ZFYVE28: variants seen among roughly 807,000 people sequenced by gnomAD.
ZFYVE28 encodes the protein lateral signaling target protein 2 homolog.
A neutral mutation model predicts 82.1 loss-of-function variants in ZFYVE28; 40 were observed. That is an observed-to-expected ratio of 0.49 (90% confidence interval 0.38 to 0.63). ZFYVE28 has a LOEUF of 0.63. Among genes scored for constraint, ZFYVE28 ranks in the 30% least tolerant of loss-of-function variants. The probability of loss-of-function intolerance (pLI) is 0.00; values close to 1 mark genes in which losing one functional copy is unlikely to be tolerated. For synonymous variants in ZFYVE28, 612 were observed against 546.1 expected, an observed-to-expected ratio of 1.12 and a Z score of -1.68; for missense variants, 1,321 against 1,242.1, an observed-to-expected ratio of 1.06 and a Z score of -0.96.
rs547977133 is a variant in ZFYVE28 at position 2,383,618 on chromosome 4, G to A, written c.40-29545C>T. Among the ~76,000 whole-genome samples the A allele has an allele frequency of 7.9e-5, 12 of 152,234 alleles. No homozygotes were observed. The South Asian group carries it at 8.3e-4, about 11-fold the overall frequency. On this transcript the variant is annotated intron_variant, in intron 1 of 12. Coordinates refer to ENST00000290974, the MANE Select transcript of ZFYVE28 (RefSeq NM_020972.3). ...TGCTTTCGGTCACCTCCACTGACCC[G>A]GTATCTTCTGTTAAAATGCCTTTAT... is the stretch of plus-strand genomic sequence containing the variant.
At chr4:2,415,504 G>A (rs565297195) in intron 1 of ZFYVE28, among the ~76,000 whole-genome samples, 2 of 143,070 alleles carry the variant, frequency 1.4e-5, no homozygotes, top group African/African-American at 5.6e-5. Flanking sequence ...AAAGAAGCTC[G>A]CTGTGCAGTT....
intron 2 of ZFYVE28, among the ~76,000 whole-genome samples, chr4:2,345,383 A>G (rs1249976229): frequency 6.6e-6 from 1 of 152,156 alleles, no homozygotes; most frequent in Non-Finnish European, 1.5e-5. Context: ...GAAGAAACTA[A>G]AAGTCCCTAA....
Position 2,353,966 on chromosome 4 carries a change from G to A in ZFYVE28, c.147C>T (p.Cys49=). 6.4e-7 allele frequency: 1 copy of A among 1,572,012 alleles called. No homozygotes were observed. Among genetic ancestry groups the A allele is most frequent in the Non-Finnish European group, 8.6e-7 (1 of 1,159,232 alleles). ...SLDGRKDPQR[C]TLLVSQFRSC... is the part of the protein sequence containing the mutation. The stretch of plus-strand genomic sequence containing the variant: ...AGCGGAACTGGCTGACCAGCAGCGT[G>A]CACCGCTGGGGGTCCTTCCGCCCAT... The change falls in exon 2 of 13, where the codon TGC becomes TGT. Residue 49 remains cysteine (C), a synonymous_variant. Coordinates refer to ENST00000290974, the MANE Select transcript of ZFYVE28 (RefSeq NM_020972.3).
At chr4:2,337,103 G>C (rs1278345823) in intron 5 of ZFYVE28, among the ~76,000 whole-genome samples, 1 of 152,010 alleles carries the variant, frequency 6.6e-6, no homozygotes, top group East Asian at 1.9e-4. Context: ...TCATGCCAGA[G>C]CCTTCCAGCT....
At chr4:2,359,914 C>A (rs1725872252) in intron 1 of ZFYVE28, among the ~76,000 whole-genome samples, 1 of 152,190 alleles carries the variant, frequency 6.6e-6, no homozygotes, top group Non-Finnish European at 1.5e-5. Context: ...TTGGGGTGGG[C>A]TCAAGCTTCC....
chr4:2,309,567 G>A (rs975141454), intron 7 of ZFYVE28, among the ~76,000 whole-genome samples: 3 of 149,014 alleles, frequency 2.0e-5, no homozygotes, highest in East Asian at 1.9e-4. Flanking sequence ...ACTTGATCAC[G>A]TTATCTACAT....
intron 1 of ZFYVE28, among the ~76,000 whole-genome samples, chr4:2,359,755 G>C (rs1470013201): frequency 6.6e-6 from 1 of 152,216 alleles, no homozygotes; most frequent in East Asian, 1.9e-4. Flanking sequence ...AGGCTGGGGA[G>C]CCAACCCTTG....
At chr4:2,314,279 G>T (rs376306841) in intron 7 of ZFYVE28, among the ~76,000 whole-genome samples, 1 of 152,166 alleles carries the variant, frequency 6.6e-6, no homozygotes, top group African/African-American at 2.4e-5. Context: ...CCTTGTTCAC[G>T]TACTTGTGTC....
chr4:2,308,198 T>G (rs1716873143), intron 7 of ZFYVE28, among the ~76,000 whole-genome samples: 1 of 152,076 alleles, frequency 6.6e-6, no homozygotes, highest in African/African-American at 2.4e-5. Flanking sequence ...CAGCTCACCG[T>G]AGCCTCGACC....
At chr4:2,272,699 G>A (rs946492167) in intron 10 of ZFYVE28, among the ~76,000 whole-genome samples, 2 of 152,230 alleles carry the variant, frequency 1.3e-5, no homozygotes, top group African/African-American at 4.8e-5. Context: ...TAGAGAGGCG[G>A]GTTCGGGGTG....
intron 8 of ZFYVE28, among the ~76,000 whole-genome samples, chr4:2,276,545 C>A (rs1447875115): frequency 6.6e-6 from 1 of 152,148 alleles, no homozygotes; most frequent in Non-Finnish European, 1.5e-5. Flanking sequence ...GGCCAAGAGA[C>A]GGCAGCAACT....
intron 7 of ZFYVE28, among the ~76,000 whole-genome samples, chr4:2,311,952 T>C (rs982966008): frequency 2.0e-5 from 3 of 151,834 alleles, no homozygotes; most frequent in South Asian, 4.1e-4. Flanking sequence ...AAGTTTTTTA[T>C]TGTTGTTTTA....
chr4:2,364,491 G>T, intron 1 of ZFYVE28: 1 of 985,484 alleles, frequency 1.0e-6, no homozygotes, highest in Non-Finnish European at 1.2e-6. Context: ...TTTACCCAGA[G>T]GGTGGCTGTG....
intron 1 of ZFYVE28, among the ~76,000 whole-genome samples, chr4:2,404,860 T>TTTCTTTC (rs200409360): frequency 7.1e-6 from 1 of 140,798 alleles, no homozygotes; most frequent in African/African-American, 2.6e-5. Context: ...TCTCGCTCTT[T>TTTCTTTC]TTTTTTTTTT....
In ZFYVE28 at chr4:2,341,475, T is replaced by C. The variant is rs556180610; in HGVS notation, c.318+3A>G. 1 of 1,570,350 alleles carries C rather than the reference T, an allele frequency of 6.4e-7. No homozygotes were observed. The highest frequency in any genetic ancestry group is 1.4e-5 in the African/African-American group (1 of 72,714). Reference sequence around the variant, plus strand: ...CCTCCGAACCCGGGTGGCCACCCGCTACCTCGGCACCGAACCACAGCTGGC... The same window carrying C: ...CCTCCGAACCCGGGTGGCCACCCGCCACCTCGGCACCGAACCACAGCTGGC... On this transcript the variant is annotated splice_donor_region_variant and intron_variant, in intron 3 of 12. Transcript: ENST00000290974. The surrounding 1 kb of genome is among the most constrained non-coding windows in gnomAD (Gnocchi z 4.5).
chr4:2,328,785 C>T (rs1324880857), intron 6 of ZFYVE28: 5 of 239,190 alleles, frequency 2.1e-5, no homozygotes, highest in Admixed American at 5.6e-5. Context: ...AGTTAACCAT[C>T]GCAGGGTCCA....
In ZFYVE28 at chr4:2,305,392, A is replaced by C. The variant is rs776331055; in HGVS notation, c.948T>G (p.Pro316=). 9.9e-6 allele frequency: 16 copies of C among 1,612,498 alleles called. No individual in the cohort carries two copies. In the East Asian group the frequency reaches 1.8e-4, roughly 18 times the overall value. The change falls in exon 8 of 13, where the codon CCT becomes CCG. Residue 316 remains proline, a synonymous_variant. Transcript: ENST00000290974. ...TGGCCTTAGCTGAGAGTGGCCCCTCAGGGGGGAGAGGGGCAGAGAGGGCAG... is the reference window on the plus strand; with the variant it reads ...TGGCCTTAGCTGAGAGTGGCCCCTCCGGGGGGAGAGGGGCAGAGAGGGCAG... ...LAPALSAPLP[P]EGPLSAKAKD...
rs547208862 is a variant in ZFYVE28, at chr4:2,311,265, C to T, written c.804-5729G>A. 2.6e-5 allele frequency among the ~76,000 whole-genome samples: 4 copies of T among 152,214 alleles called. No individual in the cohort carries two copies. The East Asian group carries it at 7.7e-4, about 29-fold the overall frequency. ...TTGGGGCCTGGCATGATGGCTCACG[C>T]TTATAATCCCAGCACTTTGGGAGGC... On this transcript the variant is annotated intron_variant, in intron 7 of 12. Transcript: ENST00000290974.
intron 7 of ZFYVE28, among the ~76,000 whole-genome samples, chr4:2,307,988 A>T (rs1716843694): frequency 6.6e-6 from 1 of 152,188 alleles, no homozygotes; most frequent in South Asian, 2.1e-4. Flanking sequence ...CGTTGCCTTA[A>T]ATCAGAGACC....
Sources: allele counts gnomAD v4.1 joint callset (sites outside exome capture counted in the v4.1 genomes callset), GRCh38; gene constraint gnomAD v4.1.1; non-coding constraint Gnocchi (gnomAD v3.1); transcripts MANE v1.5; gene names NCBI Gene and HGNC (gene_info 2026-07-23, HGNC 2026-07-21).